Variants in TASP1 observed in about 807,000 individuals in gnomAD.
TASP1 encodes taspase 1, also known as threonine aspartase 1.
TASP1 carries 16 observed loss-of-function variants against 56.6 expected under a neutral mutation model. The ratio of observed to expected loss-of-function variants is 0.28; its 90% CI spans 0.19 to 0.43. TASP1 has a LOEUF of 0.43. TASP1 is among the 20% of genes least tolerant of loss of function. TASP1 has a pLI of 1.00. For synonymous variants in TASP1, 179 were observed against 184.2 expected, an observed-to-expected ratio of 0.97 and a Z score of 0.23; for missense variants, 393 against 511.6, an observed-to-expected ratio of 0.77 and a Z score of 2.24.
the TASP1 span, among the ~76,000 whole-genome samples, chr20:13,170,658 A>G: frequency 6.6e-6 from 1 of 152,210 alleles, no homozygotes; most frequent in Non-Finnish European, 1.5e-5. Context: ...TATCAAAAGT[A>G]TTGATTGAAG....
At chr20:13,154,507 G>A in the TASP1 span, among the ~76,000 whole-genome samples, 1 of 152,282 alleles carries the variant, frequency 6.6e-6, no homozygotes, top group African/African-American at 2.4e-5. Flanking sequence ...TAAAAACAAT[G>A]TGATCAGGCT....
chr20:13,507,313 G>A (rs979471387), intron 10 of TASP1, among the ~76,000 whole-genome samples: 1 of 152,100 alleles, frequency 6.6e-6, no homozygotes, highest in Admixed American at 6.5e-5. Context: ...CATGAGGATT[G>A]CTTGAGTCCA....
chr20:13,410,527 G>C lies in TASP1; in HGVS notation c.1170+6921C>G, dbSNP rs76101589. ...CTTTTTAATAACTGCTATTCCAAGT[G>C]GGGTAAGATAATATCTCACTGTGTT... On this transcript the variant is annotated intron_variant, in intron 13 of 13. Transcript: ENST00000337743. 9.9e-3 allele frequency among the ~76,000 whole-genome samples: 1,512 copies of C among 152,232 alleles called. 23 individuals carry two copies. The highest frequency in any genetic ancestry group is 0.034 in the African/African-American group (1,403 of 41,530).
At chr20:13,204,894 T>A in the TASP1 span, among the ~76,000 whole-genome samples, 2 of 152,130 alleles carry the variant, frequency 1.3e-5, no homozygotes, top group African/African-American at 4.8e-5. Context: ...GGAAATTGTC[T>A]GCAGAGGGCT....
At chr20:13,209,399 C>T in the TASP1 span, among the ~76,000 whole-genome samples, 1 of 152,068 alleles carries the variant, frequency 6.6e-6, no homozygotes, top group African/African-American at 2.4e-5. Context: ...ACTAGCAGCA[C>T]CCTTGAAAAC....
chr20:13,539,040 T>A (rs1208583053), intron 8 of TASP1, among the ~76,000 whole-genome samples: 1 of 151,714 alleles, frequency 6.6e-6, no homozygotes, highest in Non-Finnish European at 1.5e-5. Context: ...ACAGTGAGAC[T>A]CTGTCTCAAA....
At chr20:13,393,320 T>A in intron 13 of TASP1, 1 of 758,818 alleles carries the variant, frequency 1.3e-6, no homozygotes, top group Non-Finnish European at 2.4e-6. Context: ...CTGCCAAGGC[T>A]GTGGGCAAGG....
intron 13 of TASP1, chr20:13,393,490 T>C (rs1341659308): frequency 7.7e-6 from 6 of 782,320 alleles, no homozygotes; most frequent in African/African-American, 6.8e-5. Flanking sequence ...CTCAAGGGCA[T>C]CCTGGACTAC....
rs115658614 is a variant in TASP1, at chr20:13,485,555, G to T, written c.875-2218C>A. On this transcript the variant is annotated intron_variant, in intron 10 of 13. Coordinates refer to ENST00000337743, the MANE Select transcript of TASP1 (RefSeq NM_017714.3). ...AAGCGTAAATGCAAACATCCTTCAG[G>T]ATCTAAATATCTCTTTGTGAATGAA... 2.1e-3 allele frequency among the ~76,000 whole-genome samples: 314 copies of T among 152,200 alleles called. 1 individual carries two copies. Among genetic ancestry groups the T allele is most frequent in the African/African-American group, 7.2e-3 (300 of 41,524 alleles).
intron 11 of TASP1, among the ~76,000 whole-genome samples, chr20:13,436,450 C>T (rs906680334): frequency 6.6e-6 from 1 of 151,828 alleles, no homozygotes; most frequent in African/African-American, 2.4e-5. Flanking sequence ...TAGCTCTTTA[C>T]AGAAAAACTT....
chr20:13,434,853 C>T (rs1203080521), intron 12 of TASP1, among the ~76,000 whole-genome samples, 191 bp downstream of exon 12: 2 of 152,136 alleles, frequency 1.3e-5, no homozygotes, highest in Non-Finnish European at 2.9e-5. Flanking sequence ...TAAGTGTATA[C>T]TTAAAAATGA....
At chr20:13,483,648 T>C (rs1300427205) in intron 10 of TASP1, among the ~76,000 whole-genome samples, 3 of 152,232 alleles carry the variant, frequency 2.0e-5, no homozygotes, top group Non-Finnish European at 4.4e-5. Flanking sequence ...AAAAATATTA[T>C]GTGTAATTGT....
chr20:13,198,590 A>T, the TASP1 span, among the ~76,000 whole-genome samples: 6 of 152,222 alleles, frequency 3.9e-5, no homozygotes, highest in Non-Finnish European at 8.8e-5. Context: ...CAAATCTTGA[A>T]GTGAACAATA....
intron 10 of TASP1, among the ~76,000 whole-genome samples, chr20:13,499,641 G>A (rs2043870663): frequency 6.6e-6 from 1 of 152,078 alleles, no homozygotes; most frequent in African/African-American, 2.4e-5. Context: ...GGATGGTGGA[G>A]CAGAAAGACG....
chr20:13,422,855 T>C (rs2146103243), intron 12 of TASP1, among the ~76,000 whole-genome samples: 1 of 152,328 alleles, frequency 6.6e-6, no homozygotes, highest in East Asian at 1.9e-4. Context: ...TACCAGTTCA[T>C]GCATGTCCAC....
chr20:13,308,849 C>T, the TASP1 span, among the ~76,000 whole-genome samples: 1 of 152,094 alleles, frequency 6.6e-6, no homozygotes, highest in Non-Finnish European at 1.5e-5. Flanking sequence ...ATGAGATTAG[C>T]ATCCTTACAA....
chr20:13,585,020 A>C (rs994635964), intron 5 of TASP1, among the ~76,000 whole-genome samples: 5 of 152,334 alleles, frequency 3.3e-5, no homozygotes, highest in East Asian at 1.9e-4. Context: ...AAAAAAAAGT[A>C]CCCAACTCAT....
chr20:13,319,317 T>C, the TASP1 span, among the ~76,000 whole-genome samples: 80 of 152,254 alleles, frequency 5.3e-4, no homozygotes, highest in Middle Eastern at 3.4e-3. Context: ...TAGACACTTA[T>C]CTGGTCACAT....
At chr20:13,256,385 G>C in the TASP1 span, among the ~76,000 whole-genome samples, 809 of 121,260 alleles carry the variant, frequency 6.7e-3, 9 homozygotes, top group African/African-American at 0.024. Context: ...AACAGAGTGA[G>C]ACCCCGTCTC....
Sources: gnomAD v4.1 joint callset for allele counts (sites outside exome capture counted in the v4.1 genomes callset) on GRCh38, gnomAD v4.1.1 for gene constraint, MANE v1.5 for transcripts, NCBI Gene and HGNC (gene_info 2026-07-23, HGNC 2026-07-21) for gene names.